DIAPH1: variants seen among roughly 807,000 people sequenced by gnomAD.
The protein encoded by DIAPH1 is protein diaphanous homolog 1.
DIAPH1 carries 46 observed loss-of-function variants against 140.7 expected under a neutral mutation model. The ratio of observed to expected loss-of-function variants is 0.33; its 90% confidence interval spans 0.26 to 0.42. The LOEUF (loss-of-function observed/expected upper bound fraction) is 0.42. DIAPH1 is among the 10% of genes least tolerant of loss of function. DIAPH1 has a pLI of 1.00. For missense variants in DIAPH1, 1,310 were observed against 1,558.7 expected (o/e 0.84, Z 2.69); for synonymous variants, 565 against 551.6 (o/e 1.02, Z -0.34).
At chr5:141,592,645 T>G (rs1375035629) in intron 1 of DIAPH1, among the ~76,000 whole-genome samples, 1 of 152,196 alleles carries the variant, frequency 6.6e-6, no homozygotes, top group African/African-American at 2.4e-5. Context: ...GCATCCACTT[T>G]CATCATTCTC....
intron 1 of DIAPH1, among the ~76,000 whole-genome samples, chr5:141,606,773 T>C (rs1233614481): frequency 6.6e-6 from 1 of 152,184 alleles, no homozygotes; most frequent in Non-Finnish European, 1.5e-5. Flanking sequence ...GTCAAAACTA[T>C]CTCTCCAGAG....
rs1001489800 is a variant in DIAPH1 at position 141,531,504 on chromosome 5, C to T, written c.2582-1807G>A. Among the ~76,000 whole-genome samples, 3 of 151,804 alleles carry T rather than the reference C, an allele frequency of 2.0e-5. No homozygotes were observed. The South Asian group carries it at 6.2e-4, about 32-fold the overall frequency. ...GTTTTTTATTTTAATTTATTTATTG[C>T]TTGAGATGAGTCTCACTCTGTCACC... On this transcript the variant is annotated intron_variant, in intron 19 of 27. Coordinates refer to ENST00000389054, the MANE Select transcript of DIAPH1 (RefSeq NM_005219.5).
At chr5:141,617,938 G>T (rs1197046545) in intron 1 of DIAPH1, among the ~76,000 whole-genome samples, 1 of 152,202 alleles carries the variant, frequency 6.6e-6, no homozygotes, top group Non-Finnish European at 1.5e-5. Flanking sequence ...CAGTAGAAAA[G>T]GAGTAGAGGA....
intron 18 of DIAPH1, chr5:141,535,906 C>A: frequency 2.6e-6 from 1 of 388,012 alleles, no homozygotes. Context: ...CCTTTTTATA[C>A]CATTTGAATT....
chr5:141,572,053 G>C lies in DIAPH1; in HGVS notation c.2359-13C>G. ...CCTCAGCCACAAGCTGTGGATAAAG[G>C]CAGGGTGTTAAGAATTAGTAAACTG... On this transcript the variant is annotated splice_polypyrimidine_tract_variant and intron_variant, in intron 16 of 27. Coordinates refer to ENST00000389054, the MANE Select transcript of DIAPH1 (RefSeq NM_005219.5). 1 of 1,586,088 alleles carries C rather than the reference G, an allele frequency of 6.3e-7. No individual in the cohort carries two copies. The highest frequency in any genetic ancestry group is 2.2e-5 in the East Asian group (1 of 44,756).
chr5:141,605,865 G>T (rs2099900846), intron 1 of DIAPH1, among the ~76,000 whole-genome samples: 1 of 152,086 alleles, frequency 6.6e-6, no homozygotes, highest in Non-Finnish European at 1.5e-5. Flanking sequence ...TCAATCACAG[G>T]AAACAGACGT....
In DIAPH1 at chr5:141,618,937, GACCCCGCGC is replaced by G; in HGVS notation, c.-32_-24del. The G allele has an allele frequency of 2.1e-6, 3 of 1,400,896 alleles. No individual in the cohort carries two copies. Among genetic ancestry groups the G allele is most frequent in the Non-Finnish European group, 2.9e-6 (3 of 1,049,936 alleles). The allele number at this position is 1,400,896 out of a possible 1,614,324, so 86.8% of individuals were successfully genotyped here. ...CATGTCCCGGTTCACGCTGGCCGGCGACCCCGCGCCTACGCCGCTCCCGCCTGGCAGCTC... is the reference window on the plus strand; with the variant it reads ...CATGTCCCGGTTCACGCTGGCCGGCGCTACGCCGCTCCCGCCTGGCAGCTC... On this transcript the variant is annotated 5_prime_UTR_variant, in exon 1 of 28. Coordinates refer to ENST00000389054, the MANE Select transcript of DIAPH1 (RefSeq NM_005219.5).
At chr5:141,589,088 G>C (rs548689498) in intron 1 of DIAPH1, 1 of 162,900 alleles carries the variant, frequency 6.1e-6, no homozygotes, top group African/African-American at 2.4e-5. Flanking sequence ...GCAACTAGAA[G>C]GTAGATGTGC....
At chr5:141,564,107 G>C (rs1206490126) in intron 18 of DIAPH1, 1 of 152,152 alleles carries the variant, frequency 6.6e-6, no homozygotes, top group Non-Finnish European at 1.5e-5. Flanking sequence ...GAAGGTATCA[G>C]ACTAAAGAAC....
intron 1 of DIAPH1, among the ~76,000 whole-genome samples, chr5:141,612,769 C>T (rs1207777644): frequency 2.0e-5 from 3 of 152,056 alleles, no homozygotes; most frequent in African/African-American, 7.2e-5. Flanking sequence ...AATTATATAT[C>T]AATAATGCTG....
At position 141,534,322 on chromosome 5, in the gene DIAPH1, A is replaced by G; in HGVS notation, c.2581+13T>C. 1 of 1,591,982 alleles carries G rather than the reference A, an allele frequency of 6.3e-7. No individual in the cohort carries two copies. The highest frequency in any genetic ancestry group is 8.6e-7 in the Non-Finnish European group (1 of 1,160,288). On this transcript the variant is annotated intron_variant, in intron 19 of 27. Coordinates refer to ENST00000389054, the MANE Select transcript of DIAPH1 (RefSeq NM_005219.5). ...CTTCACATTTTGAATAGTTGGGACCAAGAGATACTCACAGAGATTCTGGGC... is the reference window on the plus strand; with the variant it reads ...CTTCACATTTTGAATAGTTGGGACCGAGAGATACTCACAGAGATTCTGGGC...
rs932661800 is a variant in DIAPH1 at position 141,573,605 on chromosome 5, G to C, written c.2245C>G (p.Pro749Ala). 4 of 1,614,020 alleles carry C rather than the reference G, an allele frequency of 2.5e-6. No homozygotes were observed. Among genetic ancestry groups the C allele is most frequent in the Non-Finnish European group, 3.4e-6 (4 of 1,180,006 alleles). ...ACTCCAAATCCAAATGGGGGAGGTG[G>C]AGGCATACCCATTCCGGGTGGAGGT... ...PPPPPGMGMP[P>A]PPPFGFGVPA... is the part of the protein sequence containing the mutation. The change falls in exon 16 of 28, where the codon CCA becomes GCA. Residue 749 changes from proline (P) to alanine (A), a missense_variant. By Grantham distance (27) the Pro-to-Ala change is conservative. Around this residue, in one of 3 missense-constraint regions of DIAPH1, gnomAD observed 589 missense variants for 549.3 expected, o/e 1.07. Transcript: ENST00000389054.
At chr5:141,547,873 G>A (rs531089379) in intron 18 of DIAPH1, among the ~76,000 whole-genome samples, 1 of 152,242 alleles carries the variant, frequency 6.6e-6, no homozygotes, top group South Asian at 2.1e-4. Flanking sequence ...TATCATCATA[G>A]TAAAACTGCT....
rs771508390 is a variant in DIAPH1, at chr5:141,575,073, T to C, written c.1535A>G (p.Lys512Arg). 1.2e-6 allele frequency: 2 copies of C among 1,614,128 alleles called. No individual in the cohort carries two copies. Among genetic ancestry groups the C allele is most frequent in the Non-Finnish European group, 1.7e-6 (2 of 1,180,046 alleles). ...MKKMESDFEQ[K>R]LQDLQGEKDA... Reference sequence around the variant, plus strand: ...TTTTTCTCCCTGAAGATCTTGAAGCTTCTGCTCAAAGTCACTTTCCATCTT... The same window carrying C: ...TTTTTCTCCCTGAAGATCTTGAAGCCTCTGCTCAAAGTCACTTTCCATCTT... Residue 512 changes from lysine to arginine, a missense_variant, in exon 15 of 28, where the codon AAG becomes AGG. By Grantham distance (26) the Lys-to-Arg change is conservative (BLOSUM62 2). Around this residue, in one of 3 missense-constraint regions of DIAPH1, gnomAD observed 589 missense variants for 549.3 expected, o/e 1.07. Transcript: ENST00000389054.
At chr5:141,574,587 TTAAG>T (rs1444557204) in intron 15 of DIAPH1, among the ~76,000 whole-genome samples, 3 of 152,220 alleles carry the variant, frequency 2.0e-5, no homozygotes, top group Admixed American at 6.5e-5. Context: ...CAAAGATCAT[TTAAG>T]TATTTACTAC....
At chr5:141,561,300 A>G (rs1381084382) in intron 18 of DIAPH1, among the ~76,000 whole-genome samples, 3 of 152,096 alleles carry the variant, frequency 2.0e-5, no homozygotes, top group Non-Finnish European at 2.9e-5. Context: ...TGGGGTTACC[A>G]ATGCCCTTCT....
chr5:141,603,560 G>C (rs1450884169), intron 1 of DIAPH1, among the ~76,000 whole-genome samples: 1 of 152,152 alleles, frequency 6.6e-6, no homozygotes, highest in Non-Finnish European at 1.5e-5. Flanking sequence ...CCAGTGTCAA[G>C]CACAAGTTAG....
Position 141,576,891 on chromosome 5 carries a change from G to T in DIAPH1, c.1281-20C>A, listed in dbSNP as rs773242100. On this transcript the variant is annotated intron_variant, in intron 12 of 27. Transcript: ENST00000389054. ...TGAGGTCTACAAGAGAATAAAAACA[G>T]GGTCATCAAAGGAAAATCAAAATAT... 6 of 1,391,254 alleles carry T rather than the reference G, an allele frequency of 4.3e-6. No homozygotes were observed. In the African/African-American group the frequency reaches 7.1e-5, roughly 16 times the overall value. 86.2% of individuals were successfully genotyped at this position (1,391,254 alleles called of 1,614,324 possible). A position where few individuals can be genotyped will look rare whatever the true frequency, so the allele number is the denominator to read the frequency against.
intron 4 of DIAPH1, 152 bp from the exon 5 acceptor site, chr5:141,583,767 C>T (rs894213518): frequency 7.9e-5 from 90 of 1,137,222 alleles, no homozygotes; most frequent in Non-Finnish European, 9.0e-5. Flanking sequence ...TTTCAAACTC[C>T]TGGGCTCAAG....
Sources: gnomAD v4.1 joint callset for allele counts (sites outside exome capture counted in the v4.1 genomes callset) on GRCh38, gnomAD v4.1.1 for gene constraint, gnomAD v4.1.1 regional missense constraint, MANE v1.5 for transcripts, NCBI Gene and HGNC (gene_info 2026-07-23, HGNC 2026-07-21) for gene names.